ERC2: variants seen among roughly 807,000 people sequenced by gnomAD.
ERC2 encodes the protein ELKS/RAB6-interacting/CAST family member 2, also known as ERC protein 2.
ERC2 carries 42 observed loss-of-function variants against 114.8 expected under a neutral mutation model. The ratio of observed to expected loss-of-function variants is 0.37; its 90% CI spans 0.29 to 0.47. The LOEUF is 0.47. Among genes scored for constraint, ERC2 ranks in the 20% least tolerant of loss-of-function variants. The probability of loss-of-function intolerance (pLI) is 0.99; values close to 1 mark genes in which losing one functional copy is unlikely to be tolerated. For missense variants in ERC2, 939 were observed against 1,150.7 expected (o/e 0.82, Z 2.66); for synonymous variants, 454 against 425.5 (o/e 1.07, Z -0.82).
intron 17 of ERC2, among the ~76,000 whole-genome samples, chr3:55,628,735 A>T (rs1388752757): frequency 6.6e-6 from 1 of 152,244 alleles, no homozygotes; most frequent in Non-Finnish European, 1.5e-5. Context: ...ATGAAGGCCA[A>T]GCCAGGAACC....
intron 2 of ERC2, among the ~76,000 whole-genome samples, chr3:56,401,868 C>A (rs1186696058): frequency 2.6e-5 from 4 of 152,136 alleles, no homozygotes; most frequent in Non-Finnish European, 5.9e-5. Context: ...ACATACATAC[C>A]CGAGACTGGG....
At chr3:56,335,315 T>C (rs1035284175) in intron 2 of ERC2, among the ~76,000 whole-genome samples, 2 of 152,204 alleles carry the variant, frequency 1.3e-5, no homozygotes, top group African/African-American at 2.4e-5. Flanking sequence ...GTCCTACCTT[T>C]CCTCAAGTTA....
chr3:55,559,988 G>A (rs1266557626), intron 17 of ERC2, among the ~76,000 whole-genome samples: 1 of 152,218 alleles, frequency 6.6e-6, no homozygotes, highest in Admixed American at 6.5e-5. Flanking sequence ...GTGGGAGCAA[G>A]GAGCCGTTAT....
chr3:55,687,522 A>G (rs1025486611), intron 16 of ERC2, among the ~76,000 whole-genome samples: 3 of 152,120 alleles, frequency 2.0e-5, no homozygotes, highest in Admixed American at 1.3e-4. Context: ...GCGAAGTATC[A>G]CTTTCAAATA....
At chr3:55,555,068 A>G (rs1279274085) in intron 17 of ERC2, among the ~76,000 whole-genome samples, 1 of 152,178 alleles carries the variant, frequency 6.6e-6, no homozygotes, top group Non-Finnish European at 1.5e-5. Flanking sequence ...CACCGAGAGC[A>G]GTGGAAACAA....
At chr3:55,826,419 G>A (rs902346235) in intron 14 of ERC2, among the ~76,000 whole-genome samples, 3 of 152,144 alleles carry the variant, frequency 2.0e-5, no homozygotes, top group Non-Finnish European at 2.9e-5. Flanking sequence ...ACCTTAAGTT[G>A]AAGCCTATTT....
At chr3:55,853,293 G>A (rs1198630114) in intron 14 of ERC2, among the ~76,000 whole-genome samples, 2 of 152,198 alleles carry the variant, frequency 1.3e-5, no homozygotes, top group Non-Finnish European at 2.9e-5. Context: ...TTGAGAGGCT[G>A]AGGTGGGAAG....
intron 13 of ERC2, among the ~76,000 whole-genome samples, chr3:55,924,955 A>G (rs2065663297): frequency 6.6e-6 from 1 of 152,212 alleles, no homozygotes; most frequent in African/African-American, 2.4e-5. Flanking sequence ...AGTACAGAGA[A>G]TTATATCCTC....
At chr3:56,014,298 A>G (rs924681558) in intron 8 of ERC2, among the ~76,000 whole-genome samples, 3 of 152,066 alleles carry the variant, frequency 2.0e-5, no homozygotes, top group African/African-American at 7.2e-5. Context: ...CACATCCCTC[A>G]TTTTTGTTCC....
At chr3:55,942,346 T>G (rs1463805050) in intron 13 of ERC2, among the ~76,000 whole-genome samples, 1 of 123,068 alleles carries the variant, frequency 8.1e-6, no homozygotes, top group East Asian at 2.8e-4. Context: ...TGGAGTGCAG[T>G]GGCGGGATCT....
At chr3:56,454,095 AC>A (rs2062948341) in intron 1 of ERC2, among the ~76,000 whole-genome samples, 1 of 152,126 alleles carries the variant, frequency 6.6e-6, no homozygotes, top group Non-Finnish European at 1.5e-5. Flanking sequence ...CTTCACTTGA[AC>A]CTTTTGCAAA....
At chr3:55,965,169 G>C (rs1010973797) in intron 12 of ERC2, among the ~76,000 whole-genome samples, 5 of 152,100 alleles carry the variant, frequency 3.3e-5, no homozygotes, top group African/African-American at 1.2e-4. Flanking sequence ...ATTATACAAG[G>C]GTGTGAAAAC....
intron 14 of ERC2, among the ~76,000 whole-genome samples, chr3:55,838,452 A>G (rs1212789675): frequency 6.6e-6 from 1 of 152,146 alleles, no homozygotes; most frequent in Non-Finnish European, 1.5e-5. Flanking sequence ...ACACTTTTAT[A>G]TAATCCACAG....
At chr3:55,897,434 G>T (rs1252898286) in intron 13 of ERC2, among the ~76,000 whole-genome samples, 1 of 152,184 alleles carries the variant, frequency 6.6e-6, no homozygotes, top group East Asian at 1.9e-4. Context: ...TCTGAGTTAG[G>T]CTCCGCCATC....
Position 55,748,829 on chromosome 3 carries a change from C to T in ERC2, c.2565-13911G>A, listed in dbSNP as rs192606256. ...AACCTCATAGTCATAGCTACTAGGC[C>T]GAATAATACGAAGTTCAAGTTCACT... On this transcript the variant is annotated intron_variant, in intron 14 of 17. Transcript: ENST00000288221. Among the ~76,000 whole-genome samples, 60 of 152,114 alleles carry T rather than the reference C, an allele frequency of 3.9e-4. 1 individual carries two copies. Among genetic ancestry groups the T allele is most frequent in the South Asian group, 1.2e-3 (6 of 4,804 alleles).
Position 55,818,153 on chromosome 3 carries a change from G to A in ERC2, c.2564+70236C>T, listed in dbSNP as rs548601748. ...AGACCTTCCAGAGCTGTCCTGGAAG[G>A]AGACCATACCCTGAATGTTTCAATA... is the stretch of plus-strand genomic sequence containing the variant. On this transcript the variant is annotated intron_variant, in intron 14 of 17. Transcript: ENST00000288221. Among the ~76,000 whole-genome samples, 8 of 152,258 alleles carry A rather than the reference G, an allele frequency of 5.3e-5. No homozygotes were observed. The South Asian group carries it at 1.7e-3, about 32-fold the overall frequency.
intron 2 of ERC2, among the ~76,000 whole-genome samples, chr3:56,392,423 A>T (rs1018663432): frequency 6.6e-6 from 1 of 152,168 alleles, no homozygotes; most frequent in African/African-American, 2.4e-5. Context: ...ATATAGGACA[A>T]TTTAGAAAGG....
At chr3:55,900,682 T>G (rs376363595) in intron 13 of ERC2, among the ~76,000 whole-genome samples, 62 of 152,338 alleles carry the variant, frequency 4.1e-4, no homozygotes, top group African/African-American at 1.4e-3. Context: ...CTTCCCTATA[T>G]GTCACCTTGC....
At chr3:56,121,039 G>A (rs1008629358) in intron 6 of ERC2, among the ~76,000 whole-genome samples, 1 of 152,166 alleles carries the variant, frequency 6.6e-6, no homozygotes, top group African/African-American at 2.4e-5. Context: ...GTGAAGTCAG[G>A]ACAGCCCTAA....
Sources: allele counts gnomAD v4.1 joint callset (sites outside exome capture counted in the v4.1 genomes callset), GRCh38; gene constraint gnomAD v4.1.1; transcripts MANE v1.5; gene names NCBI Gene and HGNC (gene_info 2026-07-23, HGNC 2026-07-21).